LDLRAD4: variants seen among roughly 807,000 people sequenced by gnomAD.
LDLRAD4 encodes low density lipoprotein receptor class A domain containing 4.
Under a neutral mutation model 17.0 loss-of-function variants are expected in LDLRAD4, and 5 were observed. The observed-to-expected ratio is 0.29, with a 90% CI of 0.15 to 0.62. The LOEUF (loss-of-function observed/expected upper bound fraction) is 0.62, where lower values mean the gene tolerates loss of function less well. LDLRAD4 is among the 20% of genes least tolerant of loss of function. LDLRAD4 has a pLI of 0.84. For synonymous variants in LDLRAD4, 168 were observed against 171.8 expected, an observed-to-expected ratio of 0.98 and a Z score of 0.17; for missense variants, 340 against 424.7, an observed-to-expected ratio of 0.80 and a Z score of 1.75.
intron 3 of LDLRAD4, chr18:13,522,687 A>AT (rs1334144287): frequency 6.6e-6 from 1 of 152,158 alleles, no homozygotes; most frequent in Non-Finnish European, 1.5e-5. Flanking sequence ...CACAAAAGCC[A>AT]TATCTGGAAT....
intron 1 of LDLRAD4, among the ~76,000 whole-genome samples, chr18:13,237,734 G>A (rs1192309541): frequency 6.6e-6 from 1 of 152,200 alleles, no homozygotes; most frequent in Non-Finnish European, 1.5e-5. Context: ...TTTCCCCATG[G>A]AGAACCCCCT....
chr18:13,284,529 G>A (rs1268660722), intron 1 of LDLRAD4, among the ~76,000 whole-genome samples: 1 of 152,192 alleles, frequency 6.6e-6, no homozygotes, highest in Non-Finnish European at 1.5e-5. Flanking sequence ...AGGCCAGGGT[G>A]GGGGATGTGG....
chr18:13,294,314 G>A (rs1159106110), intron 1 of LDLRAD4, among the ~76,000 whole-genome samples: 2 of 152,218 alleles, frequency 1.3e-5, no homozygotes, highest in African/African-American at 2.4e-5. Flanking sequence ...CTGGGGGCAC[G>A]TCAGACAGAC....
chr18:13,382,921 T>G (rs1383748153), intron 1 of LDLRAD4, among the ~76,000 whole-genome samples: 39 of 152,240 alleles, frequency 2.6e-4, no homozygotes, highest in Admixed American at 2.6e-3. Context: ...GCGCTTGCTC[T>G]CTCTCTGTAG....
chr18:13,616,338 C>G (rs2040078614), intron 3 of LDLRAD4, among the ~76,000 whole-genome samples: 1 of 152,004 alleles, frequency 6.6e-6, no homozygotes, highest in African/African-American at 2.4e-5. Context: ...GGCTCAGGGT[C>G]TGGGAATCCT....
At chr18:13,631,941 T>C (rs1294957693) in intron 4 of LDLRAD4, among the ~76,000 whole-genome samples, 2 of 151,930 alleles carry the variant, frequency 1.3e-5, no homozygotes, top group Non-Finnish European at 2.9e-5. Context: ...ATAATAATAA[T>C]ACTAAATAAA....
chr18:13,407,475 T>C (rs959160665), intron 2 of LDLRAD4, among the ~76,000 whole-genome samples: 1 of 152,196 alleles, frequency 6.6e-6, no homozygotes. Context: ...TCAAGTCACT[T>C]ACATATGTTA....
intron 3 of LDLRAD4, among the ~76,000 whole-genome samples, chr18:13,547,323 G>C (rs1428797348): frequency 6.6e-6 from 1 of 152,232 alleles, no homozygotes; most frequent in East Asian, 1.9e-4. Flanking sequence ...CTACTTGAGA[G>C]TAAAAACAAT....
chr18:13,227,073 G>A (rs970998399), intron 1 of LDLRAD4, among the ~76,000 whole-genome samples: 1 of 152,112 alleles, frequency 6.6e-6, no homozygotes, highest in East Asian at 1.9e-4. Flanking sequence ...TTCATGATGG[G>A]CAGACAGAAA....
chr18:13,400,219 A>G (rs1000076650), intron 2 of LDLRAD4, among the ~76,000 whole-genome samples: 1 of 152,232 alleles, frequency 6.6e-6, no homozygotes, highest in Non-Finnish European at 1.5e-5. Context: ...CAGCTCATCC[A>G]TGTCACATAC....
At chr18:13,323,507 C>T (rs769994968) in intron 1 of LDLRAD4, among the ~76,000 whole-genome samples, 4 of 152,162 alleles carry the variant, frequency 2.6e-5, no homozygotes, top group African/African-American at 7.2e-5. Context: ...CAAGTCAGGT[C>T]CTTATTTGAC....
At chr18:13,352,047 T>G (rs1431255469) in intron 1 of LDLRAD4, among the ~76,000 whole-genome samples, 1 of 152,202 alleles carries the variant, frequency 6.6e-6, no homozygotes, top group Non-Finnish European at 1.5e-5. Context: ...GAAAAGGCCT[T>G]TGATAAAATT....
At chr18:13,318,997 C>T (rs915508553) in intron 1 of LDLRAD4, among the ~76,000 whole-genome samples, 3 of 152,178 alleles carry the variant, frequency 2.0e-5, no homozygotes, top group African/African-American at 7.2e-5. Context: ...ATGGGGAGCT[C>T]AGCACTCACA....
chr18:13,334,983 C>G (rs1426893724), intron 1 of LDLRAD4, among the ~76,000 whole-genome samples: 1 of 152,100 alleles, frequency 6.6e-6, no homozygotes, highest in East Asian at 1.9e-4. Context: ...TATGTTTTAT[C>G]TAAGTTATGT....
At chr18:13,371,392 C>T (rs573709480) in intron 1 of LDLRAD4, among the ~76,000 whole-genome samples, 68 of 152,312 alleles carry the variant, frequency 4.5e-4, no homozygotes, top group African/African-American at 1.5e-3. Flanking sequence ...CTTGCCGCCG[C>T]GTTGCTGTGA....
At chr18:13,550,979 C>T (rs1410552975) in intron 3 of LDLRAD4, among the ~76,000 whole-genome samples, 1 of 152,182 alleles carries the variant, frequency 6.6e-6, no homozygotes, top group African/African-American at 2.4e-5. Context: ...TGTGCTCATT[C>T]TCATCACCCA....
chr18:13,274,357 C>G (rs545140087), upstream of LDLRAD4, among the ~76,000 whole-genome samples: 26 of 152,282 alleles, frequency 1.7e-4, no homozygotes, highest in African/African-American at 6.3e-4. Flanking sequence ...AGTGACCCCT[C>G]CAGTTCCCTG....
At chr18:13,578,825 G>GTTTTTT (rs1286958694) in intron 3 of LDLRAD4, among the ~76,000 whole-genome samples, 5 of 49,880 alleles carry the variant, frequency 1.0e-4, no homozygotes, top group Admixed American at 1.7e-4. Context: ...AGTTGTCCGG[G>GTTTTTT]TCTTTTTTTT....
chr18:13,652,059 G>A (rs1161870073), exon 6 of LDLRAD4: 2 of 152,142 alleles, frequency 1.3e-5, no homozygotes, highest in East Asian at 1.9e-4. Flanking sequence ...GTATACTGTA[G>A]GGTGCACCCC....
Sources: allele counts gnomAD v4.1 joint callset (sites outside exome capture counted in the v4.1 genomes callset), GRCh38; gene constraint gnomAD v4.1.1; transcripts MANE v1.5; gene names NCBI Gene and HGNC (gene_info 2026-07-23, HGNC 2026-07-21).